CLVS2: variants seen among roughly 807,000 people sequenced by gnomAD.
CLVS2 encodes clavesin-2.
In CLVS2, 19 loss-of-function variants were observed where a neutral mutation model predicts 29.0. The ratio of observed to expected loss-of-function variants is 0.66; its 90% CI spans 0.46 to 0.96. The LOEUF (loss-of-function observed/expected upper bound fraction) is 0.96. CLVS2 is among the 40% of genes least tolerant of loss of function. The pLI is 0.00. For synonymous variants in CLVS2, 161 were observed against 151.3 expected, an observed-to-expected ratio of 1.06 and a Z score of -0.47; for missense variants, 294 against 404.1, an observed-to-expected ratio of 0.73 and a Z score of 2.34.
At chr6:123,031,367 G>A (rs560799275) in intron 3 of CLVS2, among the ~76,000 whole-genome samples, 4 of 152,270 alleles carry the variant, frequency 2.6e-5, no homozygotes, top group African/African-American at 4.8e-5. Context: ...AAAGGAGGGG[G>A]AAATGGGGAG....
At chr6:123,012,377 G>A (rs1290588775) in intron 3 of CLVS2, among the ~76,000 whole-genome samples, 10 of 151,876 alleles carry the variant, frequency 6.6e-5, no homozygotes, top group Admixed American at 6.6e-4. Context: ...ACACAGAATG[G>A]TAACCTAGCC....
chr6:123,072,422 C>T lies in CLVS2; in HGVS notation c.*8661C>T, dbSNP rs1331451095. 2.0e-5 allele frequency: 3 copies of T among 151,990 alleles called. No individual in the cohort carries two copies. Among genetic ancestry groups the T allele is most frequent in the African/African-American group, 7.2e-5 (3 of 41,406 alleles). The allele number at this position is 151,990 out of a possible 1,614,324, so 9.4% of individuals were successfully genotyped here. On this transcript the variant is annotated 3_prime_UTR_variant, in exon 6 of 6. Transcript: ENST00000275162. ...TAGATTATGTTTCTTGTCAGTTACA[C>T]AAGGATAGGTAATCAGGGTTAACAG...
chr6:123,008,962 T>A (rs181162306), intron 2 of CLVS2, among the ~76,000 whole-genome samples: 1 of 152,256 alleles, frequency 6.6e-6, no homozygotes, highest in Admixed American at 6.5e-5. Flanking sequence ...GCCTTTTGAC[T>A]TTTGCCTTTT....
At chr6:123,024,450 A>G (rs80111127) in intron 3 of CLVS2, among the ~76,000 whole-genome samples, 3,054 of 152,228 alleles carry the variant, frequency 0.02, 106 homozygotes, top group African/African-American at 0.071. Context: ...AGAGACCCTC[A>G]ATGGTAACAA....
intron 5 of CLVS2, among the ~76,000 whole-genome samples, chr6:123,060,902 T>C (rs1047329605): frequency 6.6e-6 from 1 of 152,232 alleles, no homozygotes; most frequent in Non-Finnish European, 1.5e-5. Flanking sequence ...CACTATGTAT[T>C]GTAGATGCAT....
intron 2 of CLVS2, among the ~76,000 whole-genome samples, chr6:123,006,032 T>A (rs1234836173): frequency 6.6e-6 from 1 of 151,872 alleles, no homozygotes; most frequent in Non-Finnish European, 1.5e-5. Context: ...AGTGAAAGAG[T>A]TTTTAAGCTA....
intron 2 of CLVS2, among the ~76,000 whole-genome samples, chr6:122,999,791 C>T (rs573313898): frequency 6.6e-6 from 1 of 151,918 alleles, no homozygotes; most frequent in East Asian, 1.9e-4. Flanking sequence ...TTAGAGATAC[C>T]ATTATGGGGG....
chr6:123,061,885 GA>G (rs1772785419), intron 5 of CLVS2, among the ~76,000 whole-genome samples: 1 of 151,814 alleles, frequency 6.6e-6, no homozygotes. Context: ...TTAATTTTAT[GA>G]AAAATTTAAA....
chr6:123,042,237 G>A (rs1016255049), intron 3 of CLVS2, among the ~76,000 whole-genome samples: 3 of 152,200 alleles, frequency 2.0e-5, no homozygotes, highest in African/African-American at 7.2e-5. Flanking sequence ...AACAGGAATT[G>A]ACTATTCATT....
At position 122,997,787 on chromosome 6, in the gene CLVS2, T is replaced by C. The variant is rs776712989; in HGVS notation, c.10T>C (p.Leu4=). The C allele has an allele frequency of 3.1e-6, 5 of 1,613,628 alleles. No homozygotes were observed. In the African/African-American group the frequency reaches 6.7e-5, roughly 22 times the overall value. The change falls in exon 2 of 6, where the codon TTG becomes CTG. Residue 4 remains leucine, a synonymous_variant. Coordinates refer to ENST00000275162, the MANE Select transcript of CLVS2 (RefSeq NM_001010852.4). ...AGAGATAGGCAGAACAATGACTCAT[T>C]TGCAAGCCGGTCTCTCCCCTGAGAC... MTH[L]QAGLSPETLE...
intron 3 of CLVS2, among the ~76,000 whole-genome samples, chr6:123,028,360 A>T (rs1183205421): frequency 1.3e-5 from 2 of 152,198 alleles, no homozygotes; most frequent in Admixed American, 1.3e-4. Context: ...ATCGCTGAAC[A>T]TCTTGTGTAC....
chr6:123,035,814 C>G (rs1310224671), intron 3 of CLVS2, among the ~76,000 whole-genome samples: 1 of 152,150 alleles, frequency 6.6e-6, no homozygotes. Flanking sequence ...CTCTTAACCA[C>G]ACAAACACAC....
rs555722421 is a variant in CLVS2 at position 123,053,028 on chromosome 6, G to A, written c.676-2778G>A. ...AGAAGAGAAAAAATCCAAAGACTGA[G>A]ACCAGTAGTTCTCCAGTTAAAATAT... is the stretch of plus-strand genomic sequence containing the variant. On this transcript the variant is annotated intron_variant, in intron 4 of 5. Coordinates refer to ENST00000275162, the MANE Select transcript of CLVS2 (RefSeq NM_001010852.4). 3.3e-5 allele frequency among the ~76,000 whole-genome samples: 5 copies of A among 150,706 alleles called. No homozygotes were observed. In the South Asian group the frequency reaches 1.1e-3, roughly 32 times the overall value.
intron 3 of CLVS2, among the ~76,000 whole-genome samples, chr6:123,047,541 T>C (rs1168392067): frequency 6.6e-6 from 1 of 152,192 alleles, no homozygotes; most frequent in Admixed American, 6.5e-5. Flanking sequence ...CTCGTAAGTG[T>C]CCAAAATAAA....
chr6:122,999,341 C>T (rs1015012864), intron 2 of CLVS2, among the ~76,000 whole-genome samples: 36 of 152,096 alleles, frequency 2.4e-4, no homozygotes, highest in Admixed American at 2.3e-3. Flanking sequence ...TTTTTTCTCT[C>T]ATTTTATTGT....
chr6:123,025,242 G>C (rs887691333), intron 3 of CLVS2, among the ~76,000 whole-genome samples: 4 of 152,028 alleles, frequency 2.6e-5, no homozygotes, highest in Admixed American at 2.0e-4. Flanking sequence ...TATTAAGCAC[G>C]CCTTACCCCC....
In CLVS2 at chr6:123,020,798, A is replaced by G. The variant is rs1774908666; in HGVS notation, c.564+9639A>G. Reference sequence around the variant, plus strand: ...CATTACTTAGTCTATCAATTATATTATATACTTCAAATAATCAACTTTCCT... The same window carrying G: ...CATTACTTAGTCTATCAATTATATTGTATACTTCAAATAATCAACTTTCCT... On this transcript the variant is annotated intron_variant, in intron 3 of 5. Coordinates refer to ENST00000275162, the MANE Select transcript of CLVS2 (RefSeq NM_001010852.4). Among the ~76,000 whole-genome samples the G allele has an allele frequency of 3.9e-5, 6 of 152,088 alleles. 1 individual carries two copies. In the South Asian group the frequency reaches 1.0e-3, roughly 26 times the overall value.
chr6:123,036,151 C>T (rs748598721), intron 3 of CLVS2, among the ~76,000 whole-genome samples: 2 of 152,148 alleles, frequency 1.3e-5, no homozygotes, highest in African/African-American at 4.8e-5. Context: ...TCATTGACAT[C>T]TCCACTCCCA....
chr6:123,027,628 T>A (rs1232903726), intron 3 of CLVS2, among the ~76,000 whole-genome samples: 1 of 152,170 alleles, frequency 6.6e-6, no homozygotes. Flanking sequence ...AGTCATTCTC[T>A]CTGGTCCACT....
Sources: allele counts gnomAD v4.1 joint callset (sites outside exome capture counted in the v4.1 genomes callset), GRCh38; gene constraint gnomAD v4.1.1; transcripts MANE v1.5; gene names NCBI Gene and HGNC (gene_info 2026-07-23, HGNC 2026-07-21).